Variants in SNX30 observed in about 807,000 individuals in gnomAD.
SNX30 encodes the protein sorting nexin-30.
A neutral mutation model predicts 46.4 loss-of-function variants in SNX30; 24 were observed. The observed-to-expected ratio is 0.52, with a 90% CI of 0.37 to 0.73. The LOEUF (loss-of-function observed/expected upper bound fraction) is 0.73. Ranked by LOEUF, SNX30 falls within the 30% of genes least tolerant of loss-of-function variation. SNX30 has a pLI of 0.00. For missense variants in SNX30, 533 were observed against 555.7 expected, an observed-to-expected ratio of 0.96 and a Z score of 0.41; for synonymous variants, 189 against 211.5, an observed-to-expected ratio of 0.89 and a Z score of 0.92.
chr9:112,753,159 C>T (rs1040403017), intron 1 of SNX30, among the ~76,000 whole-genome samples: 57 of 152,224 alleles, frequency 3.7e-4, no homozygotes, highest in African/African-American at 1.4e-3. Flanking sequence ...AGACTGGCTA[C>T]TACAGATAGC....
At chr9:112,794,756 A>C (rs1156944535) in intron 1 of SNX30, among the ~76,000 whole-genome samples, 1 of 152,230 alleles carries the variant, frequency 6.6e-6, no homozygotes, top group South Asian at 2.1e-4. Flanking sequence ...CCAGTGATTT[A>C]TGTTAATTTA....
intron 3 of SNX30, among the ~76,000 whole-genome samples, chr9:112,824,343 C>A (rs1351416952): frequency 6.6e-6 from 1 of 151,500 alleles, no homozygotes; most frequent in Non-Finnish European, 1.5e-5. Flanking sequence ...GATTTTTTTG[C>A]AGGATCCAAC....
intron 1 of SNX30, among the ~76,000 whole-genome samples, chr9:112,760,600 G>C (rs1466128960): frequency 6.6e-6 from 1 of 152,196 alleles, no homozygotes; most frequent in Admixed American, 6.5e-5. Flanking sequence ...AGAGCTAGGA[G>C]AGGAAGAGGG....
chr9:112,782,352 C>T lies in SNX30; in HGVS notation c.157-22424C>T, dbSNP rs547600922. Among the ~76,000 whole-genome samples the T allele has an allele frequency of 7.1e-4, 108 of 152,302 alleles. 1 individual carries two copies. Among genetic ancestry groups the T allele is most frequent in the African/African-American group, 2.5e-3 (105 of 41,562 alleles). On this transcript the variant is annotated intron_variant, in intron 1 of 8. Coordinates refer to ENST00000374232, the MANE Select transcript of SNX30 (RefSeq NM_001012994.2). ...AAGTGCTGGGATTATAGGTGTGAGC[C>T]ACCATGCCCTGCCATAAAGTTTTAT...
chr9:112,763,483 A>T (rs897203575), intron 1 of SNX30, among the ~76,000 whole-genome samples: 2 of 144,474 alleles, frequency 1.4e-5, no homozygotes, highest in African/African-American at 5.2e-5. Context: ...CGGCCTCCCA[A>T]AGTGCTGGGA....
chr9:112,868,767 G>T lies in SNX30; in HGVS notation c.1255-17G>T, dbSNP rs778742137. 1 of 1,613,922 alleles carries T rather than the reference G, an allele frequency of 6.2e-7. No individual in the cohort carries two copies. The highest frequency in any genetic ancestry group is 8.5e-7 in the Non-Finnish European group (1 of 1,179,804). Reference sequence around the variant, plus strand: ...GAAACTCAAAGCTGATACTGTGTGTGTATGTTGTCGTTCCAGTGCCTCATG... The same window carrying T: ...GAAACTCAAAGCTGATACTGTGTGTTTATGTTGTCGTTCCAGTGCCTCATG... On this transcript the variant is annotated splice_polypyrimidine_tract_variant and intron_variant, in intron 8 of 8. Coordinates refer to ENST00000374232, the MANE Select transcript of SNX30 (RefSeq NM_001012994.2).
intron 1 of SNX30, among the ~76,000 whole-genome samples, chr9:112,778,901 G>T (rs933604609): frequency 2.0e-5 from 3 of 151,528 alleles, no homozygotes; most frequent in Non-Finnish European, 4.4e-5. Context: ...TGGGGGGGGG[G>T]GATTTGCACA....
intron 1 of SNX30, among the ~76,000 whole-genome samples, chr9:112,801,228 T>TG (rs1554751935): frequency 7.5e-5 from 2 of 26,528 alleles, no homozygotes; most frequent in Admixed American, 4.4e-4. Context: ...GATGTTAGGG[T>TG]GGGTGTCAAT....
chr9:112,782,793 C>T lies in SNX30; in HGVS notation c.157-21983C>T, dbSNP rs578140272. Among the ~76,000 whole-genome samples, 9 of 152,356 alleles carry T rather than the reference C, an allele frequency of 5.9e-5. No individual in the cohort carries two copies. In the South Asian group the frequency reaches 8.3e-4, roughly 14 times the overall value. On this transcript the variant is annotated intron_variant, in intron 1 of 8. Coordinates refer to ENST00000374232, the MANE Select transcript of SNX30 (RefSeq NM_001012994.2). ...TCCCTGGAGATGAGATTCCCCTTAA[C>T]CTCCTGCATTAACACTGAATGTTCA... is the stretch of plus-strand genomic sequence containing the variant.
upstream of SNX30, among the ~76,000 whole-genome samples, chr9:112,750,102 G>C (rs1157793985): frequency 1.3e-5 from 2 of 152,162 alleles, no homozygotes; most frequent in Non-Finnish European, 2.9e-5. Flanking sequence ...AAGTCTCTTC[G>C]GCCAAAGTGT....
downstream of SNX30, chr9:112,879,929 ATAGG>A: frequency 1.0e-6 from 1 of 960,724 alleles, no homozygotes; most frequent in Non-Finnish European, 1.7e-6. Flanking sequence ...AGGCAAAATC[ATAGG>A]TAGGCATTGA....
chr9:112,865,109 T>C (rs1380566915), intron 8 of SNX30, among the ~76,000 whole-genome samples: 4 of 75,198 alleles, frequency 5.3e-5, no homozygotes, highest in East Asian at 4.3e-4. Flanking sequence ...CCCCCCATAC[T>C]ACATGCACAC....
At chr9:112,811,425 C>T (rs1286033129) in intron 2 of SNX30, among the ~76,000 whole-genome samples, 1 of 152,156 alleles carries the variant, frequency 6.6e-6, no homozygotes, top group African/African-American at 2.4e-5. Context: ...AGTTGTTGGG[C>T]ATGTCAGCTC....
chr9:112,847,384 A>G (rs1174476980), intron 6 of SNX30, among the ~76,000 whole-genome samples: 2 of 151,570 alleles, frequency 1.3e-5, no homozygotes, highest in Non-Finnish European at 2.9e-5. Context: ...TTTTACACAA[A>G]TCCTGGAATC....
At chr9:112,757,776 C>T (rs1333806722) in intron 1 of SNX30, among the ~76,000 whole-genome samples, 5 of 152,176 alleles carry the variant, frequency 3.3e-5, no homozygotes, top group Admixed American at 2.6e-4. Flanking sequence ...GGCCCATCTC[C>T]GTGGTTGCTC....
chr9:112,861,452 T>C (rs1588141878), intron 7 of SNX30, among the ~76,000 whole-genome samples: 2 of 152,194 alleles, frequency 1.3e-5, no homozygotes, highest in South Asian at 2.1e-4. Flanking sequence ...ACAGAGAAGC[T>C]GAGGCCAGGT....
At position 112,873,711 on chromosome 9, in the gene SNX30, A is replaced by C. The variant is rs1841481128; in HGVS notation, c.*4868A>C. 6.6e-6 allele frequency: 1 copy of C among 151,834 alleles called. No homozygotes were observed. Among genetic ancestry groups the C allele is most frequent in the Non-Finnish European group, 1.5e-5 (1 of 68,008 alleles). 9.4% of individuals were successfully genotyped at this position (151,834 alleles called of 1,614,324 possible). On this transcript the variant is annotated 3_prime_UTR_variant, in exon 9 of 9. Coordinates refer to ENST00000374232, the MANE Select transcript of SNX30 (RefSeq NM_001012994.2). ...TGATTTTAGAGGATATAGTATCGGC[A>C]TTGACAAATCACGTAGAAACAAAGA...
intron 1 of SNX30, among the ~76,000 whole-genome samples, chr9:112,776,317 T>C (rs1474413470): frequency 1.3e-5 from 2 of 152,248 alleles, no homozygotes; most frequent in Admixed American, 6.5e-5. Context: ...TGATGTTCTA[T>C]ATGATGCATT....
intron 1 of SNX30, among the ~76,000 whole-genome samples, chr9:112,765,588 G>A (rs1034888685): frequency 6.6e-6 from 1 of 152,134 alleles, no homozygotes; most frequent in Non-Finnish European, 1.5e-5. Flanking sequence ...TTAATCTAGT[G>A]TCTGAAAGCC....
Sources: gnomAD v4.1 joint callset for allele counts (sites outside exome capture counted in the v4.1 genomes callset) on GRCh38, gnomAD v4.1.1 for gene constraint, MANE v1.5 for transcripts, NCBI Gene and HGNC (gene_info 2026-07-23, HGNC 2026-07-21) for gene names.